CSMD1: variants seen among roughly 807,000 people sequenced by gnomAD.
CSMD1 encodes CUB and sushi domain-containing protein 1.
A neutral mutation model predicts 417.5 loss-of-function variants in CSMD1; 213 were observed. The observed-to-expected ratio is 0.51, with a 90% CI of 0.46 to 0.57. CSMD1 has a LOEUF of 0.57. Ranked by LOEUF, CSMD1 falls within the 20% of genes least tolerant of loss-of-function variation. CSMD1 has a pLI of 0.00. For synonymous variants in CSMD1, 2,862 were observed against 1,736.8 expected (o/e 1.65, Z -16.11); for missense variants, 6,923 against 4,529.7 (o/e 1.53, Z -15.17).
At chr8:3,629,707 G>A (rs941649709) in intron 7 of CSMD1, among the ~76,000 whole-genome samples, 7 of 147,472 alleles carry the variant, frequency 4.7e-5, no homozygotes, top group African/African-American at 9.9e-5. Flanking sequence ...CCACATGATC[G>A]GCACAGAAAG....
intron 10 of CSMD1, among the ~76,000 whole-genome samples, chr8:3,564,635 A>G (rs978982831): frequency 3.8e-5 from 5 of 130,710 alleles, no homozygotes; most frequent in Non-Finnish European, 8.2e-5. Flanking sequence ...AGTAAAAATA[A>G]ATCTATTTAG....
At chr8:4,590,169 C>CTGTTTTTTTTTTCTTT (rs1799913525) in intron 2 of CSMD1, among the ~76,000 whole-genome samples, 1 of 150,208 alleles carries the variant, frequency 6.7e-6, no homozygotes, top group Non-Finnish European at 1.5e-5. Context: ...ATTCTTTATG[C>CTGTTTTTTTTTTCTTT]TGTTTTTTTT....
intron 3 of CSMD1, among the ~76,000 whole-genome samples, chr8:4,240,000 C>A (rs963387651): frequency 6.6e-6 from 1 of 152,140 alleles, no homozygotes; most frequent in Non-Finnish European, 1.5e-5. Flanking sequence ...ATACATAAGG[C>A]GTGTTCTGTG....
chr8:3,550,240 C>T (rs1798852687), intron 10 of CSMD1, among the ~76,000 whole-genome samples: 1 of 152,098 alleles, frequency 6.6e-6, no homozygotes, highest in East Asian at 1.9e-4. Flanking sequence ...TAGAATACAT[C>T]CTATGTCTCA....
intron 10 of CSMD1, among the ~76,000 whole-genome samples, chr8:3,525,930 C>T (rs924417151): frequency 2.6e-5 from 4 of 152,156 alleles, no homozygotes; most frequent in Admixed American, 6.5e-5. Context: ...AATCGTATTA[C>T]ATGCATTGTT....
At position 4,692,170 on chromosome 8, in the gene CSMD1, C is replaced by A. The variant is rs543403700; in HGVS notation, c.86-54612G>T. On this transcript the variant is annotated intron_variant, in intron 1 of 69. Coordinates refer to ENST00000635120, the MANE Select transcript of CSMD1 (RefSeq NM_033225.6). ...CCTGCCCCCTGTCCCTTCTGGAAACCAGCAGCCCCTGGCCTGACCTCACAG... is the reference window on the plus strand; with the variant it reads ...CCTGCCCCCTGTCCCTTCTGGAAACAAGCAGCCCCTGGCCTGACCTCACAG... 7.2e-5 allele frequency among the ~76,000 whole-genome samples: 11 copies of A among 152,256 alleles called. No homozygotes were observed. In the East Asian group the frequency reaches 2.1e-3, roughly 30 times the overall value.
chr8:3,735,969 G>A (rs1407175869), intron 6 of CSMD1, among the ~76,000 whole-genome samples: 2 of 152,020 alleles, frequency 1.3e-5, no homozygotes, highest in African/African-American at 2.4e-5. Flanking sequence ...ACAGGTAAAT[G>A]GGTAAAATAC....
intron 1 of CSMD1, among the ~76,000 whole-genome samples, chr8:4,663,128 G>A (rs1003597787): frequency 6.6e-6 from 1 of 152,152 alleles, no homozygotes; most frequent in African/African-American, 2.4e-5. Flanking sequence ...GGACGCCACG[G>A]AGAAGGGATC....
intron 1 of CSMD1, among the ~76,000 whole-genome samples, chr8:4,895,288 G>C (rs912262936): frequency 6.6e-6 from 1 of 152,074 alleles, no homozygotes; most frequent in Non-Finnish European, 1.5e-5. Context: ...TTATGAAAAT[G>C]GTAAGTCCGT....
rs146023405 is a variant in CSMD1 at position 4,692,060 on chromosome 8, C to T, written c.86-54502G>A. On this transcript the variant is annotated intron_variant, in intron 1 of 69. Transcript: ENST00000635120. ...CTGAATTATGATAATGCGGGGCACA[C>T]AACCTACCCTACAAATGGGACTTGC... Among the ~76,000 whole-genome samples, 28 of 152,276 alleles carry T rather than the reference C, an allele frequency of 1.8e-4. 1 individual carries two copies. The East Asian group carries it at 4.5e-3, about 24-fold the overall frequency.
At chr8:4,124,977 C>G (rs1004918856) in intron 3 of CSMD1, among the ~76,000 whole-genome samples, 4 of 152,104 alleles carry the variant, frequency 2.6e-5, no homozygotes, top group African/African-American at 9.7e-5. Context: ...GTTTTACTGT[C>G]GCTTTTGCTT....
intron 1 of CSMD1, among the ~76,000 whole-genome samples, chr8:4,920,168 C>A (rs1806339974): frequency 6.6e-6 from 1 of 152,132 alleles, no homozygotes; most frequent in South Asian, 2.1e-4. Flanking sequence ...AATGTTGAGT[C>A]AATGCCTTTT....
intron 1 of CSMD1, among the ~76,000 whole-genome samples, chr8:4,648,314 C>T (rs944765559): frequency 1.3e-5 from 2 of 151,930 alleles, no homozygotes; most frequent in African/African-American, 4.8e-5. Flanking sequence ...TTCCTGCTTC[C>T]CCACCTGTGA....
intron 3 of CSMD1, among the ~76,000 whole-genome samples, chr8:4,152,524 CAA>C (rs11460992): frequency 4.7e-4 from 65 of 139,416 alleles, no homozygotes; most frequent in Admixed American, 5.0e-4. Context: ...CAGAGAGTAC[CAA>C]AAAAAAAAAA....
chr8:4,961,794 T>C (rs2117335087), intron 1 of CSMD1, among the ~76,000 whole-genome samples: 1 of 151,200 alleles, frequency 6.6e-6, no homozygotes, highest in East Asian at 1.9e-4. Flanking sequence ...CTTTTTGTAT[T>C]GTTTGACAAA....
intron 2 of CSMD1, among the ~76,000 whole-genome samples, chr8:4,507,968 C>G (rs1186988210): frequency 6.6e-6 from 1 of 151,390 alleles, no homozygotes; most frequent in Non-Finnish European, 1.5e-5. Context: ...ATAGTAGAGA[C>G]AAGTGTGAGA....
chr8:4,386,589 G>A (rs138703379), intron 3 of CSMD1, among the ~76,000 whole-genome samples: 21 of 152,168 alleles, frequency 1.4e-4, no homozygotes, highest in African/African-American at 3.6e-4. Flanking sequence ...GGCCTGTTAC[G>A]GCAGGGCATG....
chr8:3,333,678 T>A (rs946911653), intron 23 of CSMD1, among the ~76,000 whole-genome samples: 1 of 152,194 alleles, frequency 6.6e-6, no homozygotes, highest in Non-Finnish European at 1.5e-5. Flanking sequence ...ATTTCCTTAT[T>A]TTTATAACCC....
chr8:3,578,083 G>A (rs1232919884), intron 9 of CSMD1, among the ~76,000 whole-genome samples: 2 of 152,152 alleles, frequency 1.3e-5, no homozygotes, highest in South Asian at 4.1e-4. Context: ...TTTCATAGTG[G>A]AGAGAGAAGA....
Sources: gnomAD v4.1 joint callset for allele counts (sites outside exome capture counted in the v4.1 genomes callset) on GRCh38, gnomAD v4.1.1 for gene constraint, MANE v1.5 for transcripts, NCBI Gene and HGNC (gene_info 2026-07-23, HGNC 2026-07-21) for gene names.